Variants in DNAH14 observed in about 807,000 individuals in gnomAD.
The protein encoded by DNAH14 is axonemal beta dynein heavy chain 14.
In DNAH14, 478 loss-of-function variants were observed where a neutral mutation model predicts 520.9. The observed-to-expected ratio is 0.92, with a 90% CI of 0.85 to 0.99. The LOEUF is 0.99. Among genes scored for constraint, DNAH14 ranks in the 50% least tolerant of loss-of-function variants. DNAH14 has a pLI of 0.00. For missense variants in DNAH14, 4,831 were observed against 5,234.5 expected (o/e 0.92, Z 2.38); for synonymous variants, 1,581 against 1,757.2 (o/e 0.90, Z 2.51).
At chr1:225,340,911 T>C (rs553479178) in intron 69 of DNAH14, among the ~76,000 whole-genome samples, 2 of 152,178 alleles carry the variant, frequency 1.3e-5, no homozygotes, top group Non-Finnish European at 2.9e-5. Context: ...CTCATTGTGT[T>C]GTAGAACATT....
At chr1:225,203,195 A>G (rs573922969) in intron 38 of DNAH14, among the ~76,000 whole-genome samples, 5 of 152,338 alleles carry the variant, frequency 3.3e-5, no homozygotes, top group Admixed American at 6.5e-5. Flanking sequence ...CCATCCAAGT[A>G]GGAGCTGCAA....
chr1:224,970,921 T>C (rs1332680387), intron 7 of DNAH14, among the ~76,000 whole-genome samples: 1 of 152,216 alleles, frequency 6.6e-6, no homozygotes, highest in Non-Finnish European at 1.5e-5. Flanking sequence ...AGGGATATTG[T>C]ATTGAACAAA....
chr1:225,115,988 G>A (rs955111843), intron 23 of DNAH14, among the ~76,000 whole-genome samples: 7 of 152,312 alleles, frequency 4.6e-5, no homozygotes, highest in East Asian at 3.9e-4. Context: ...CAGCCTGTAG[G>A]CAATGATAAC....
chr1:225,130,620 T>C (rs977108160), intron 27 of DNAH14, among the ~76,000 whole-genome samples: 2 of 128,148 alleles, frequency 1.6e-5, no homozygotes, highest in Non-Finnish European at 3.1e-5. Flanking sequence ...AATTGAACAA[T>C]GAGAACACAT....
intron 42 of DNAH14, among the ~76,000 whole-genome samples, chr1:225,237,439 C>T (rs1262828993): frequency 6.6e-6 from 1 of 152,142 alleles, no homozygotes; most frequent in Non-Finnish European, 1.5e-5. Flanking sequence ...TATTGGCCCC[C>T]AATGTCTTCT....
At chr1:225,050,941 C>T (rs1182886640) in intron 16 of DNAH14, among the ~76,000 whole-genome samples, 2 of 152,188 alleles carry the variant, frequency 1.3e-5, no homozygotes, top group Non-Finnish European at 2.9e-5. Context: ...AGATCCCTCA[C>T]ATGTGCAGTT....
chr1:225,140,801 A>C lies in DNAH14; in HGVS notation c.4288A>C (p.Ser1430Arg). 1 of 1,549,178 alleles carries C rather than the reference A, an allele frequency of 6.5e-7. No homozygotes were observed. Among genetic ancestry groups the C allele is most frequent in the Non-Finnish European group, 8.7e-7 (1 of 1,145,824 alleles). ...QIMFYNDCVKSFVSSYSREKL... is the reference protein window; with the variant it reads ...QIMFYNDCVKRFVSSYSREKL... ...CATGTTTTATAATGATTGTGTTAAA[A>C]GTTTTGTGAGTTCTTATTCAAGAGA... The change falls in exon 28 of 86, where the codon AGT becomes CGT. Residue 1430 changes from serine (S) to arginine (R), a missense_variant. Coordinates refer to ENST00000682510, the MANE Select transcript of DNAH14 (RefSeq NM_001367479.1).
chr1:225,358,758 C>T lies in DNAH14; in HGVS notation c.11776+106C>T, dbSNP rs190432705. 4.9e-3 allele frequency: 5,837 copies of T among 1,194,586 alleles called. 22 individuals carry two copies. Among genetic ancestry groups the T allele is most frequent in the Non-Finnish European group, 6.1e-3 (5,311 of 867,462 alleles). 74.0% of individuals were successfully genotyped at this position (1,194,586 alleles called of 1,614,324 possible). ...CCCCATAATCCCCACATGTCAAGGG[C>T]GAGACCAGGTAGAGGTAATTGGATC... On this transcript the variant is annotated intron_variant, in intron 74 of 85. Transcript: ENST00000682510.
chr1:225,164,962 T>C (rs928914475), intron 35 of DNAH14, among the ~76,000 whole-genome samples: 2 of 152,150 alleles, frequency 1.3e-5, no homozygotes, highest in African/African-American at 4.8e-5. Flanking sequence ...ACTTTTTATA[T>C]CTATTATAGG....
chr1:225,035,061 G>A (rs541383541), intron 11 of DNAH14, among the ~76,000 whole-genome samples: 15 of 104,042 alleles, frequency 1.4e-4, no homozygotes, highest in African/African-American at 4.7e-4. Context: ...TGTTTTTTTT[G>A]TGTGTGTGCA....
chr1:225,364,934 G>T, intron 76 of DNAH14, 40 bp downstream of exon 76: 1 of 1,396,364 alleles, frequency 7.2e-7, no homozygotes, highest in Non-Finnish European at 9.7e-7. Context: ...TGACTGAGGA[G>T]CCCTGTTTGA....
chr1:225,197,589 T>C (rs2086319163), intron 38 of DNAH14, among the ~76,000 whole-genome samples: 1 of 152,146 alleles, frequency 6.6e-6, no homozygotes, highest in Non-Finnish European at 1.5e-5. Context: ...ATGATAGTGG[T>C]ATTTTGACGG....
intron 1 of DNAH14, among the ~76,000 whole-genome samples, chr1:224,931,612 A>G (rs1013649027): frequency 6.6e-6 from 1 of 152,088 alleles, no homozygotes; most frequent in Admixed American, 6.5e-5. Flanking sequence ...CGTGTTATCT[A>G]TTTGTCCACT....
chr1:225,094,672 AAAAAAAC>A (rs1382672812), intron 21 of DNAH14, among the ~76,000 whole-genome samples: 4 of 100,878 alleles, frequency 4.0e-5, no homozygotes, highest in Non-Finnish European at 6.5e-5. Context: ...AAAAAAAAAA[AAAAAAAC>A]AACAAAACAA....
intron 4 of DNAH14, among the ~76,000 whole-genome samples, chr1:224,962,922 C>T (rs1386071372): frequency 6.6e-6 from 1 of 152,078 alleles, no homozygotes; most frequent in African/African-American, 2.4e-5. Flanking sequence ...ATTTATGATA[C>T]TTTCACGATA....
intron 54 of DNAH14, among the ~76,000 whole-genome samples, chr1:225,287,011 A>G (rs564093627): frequency 2.0e-5 from 3 of 152,334 alleles, no homozygotes; most frequent in African/African-American, 7.2e-5. Context: ...TTCCACTTAT[A>G]TGACATTCTG....
At chr1:225,175,288 C>T (rs1188410353) in intron 36 of DNAH14, among the ~76,000 whole-genome samples, 1 of 152,138 alleles carries the variant, frequency 6.6e-6, no homozygotes, top group African/African-American at 2.4e-5. Context: ...CCATCACATC[C>T]TGGGCTTTTC....
At chr1:225,371,863 C>G (rs1057008159) in intron 77 of DNAH14, among the ~76,000 whole-genome samples, 6 of 151,936 alleles carry the variant, frequency 3.9e-5, no homozygotes, top group Non-Finnish European at 5.9e-5. Flanking sequence ...ACATATGGGT[C>G]CTAAATAAAG....
chr1:225,307,606 A>G (rs927366463), intron 59 of DNAH14, 37 bp downstream of exon 59: 3 of 1,458,986 alleles, frequency 2.1e-6, no homozygotes, highest in Non-Finnish European at 2.8e-6. Flanking sequence ...AAGATTTTAT[A>G]GTCTAATATA....
Sources: gnomAD v4.1 joint callset for allele counts (sites outside exome capture counted in the v4.1 genomes callset) on GRCh38, gnomAD v4.1.1 for gene constraint, MANE v1.5 for transcripts, NCBI Gene and HGNC (gene_info 2026-07-23, HGNC 2026-07-21) for gene names.